Variants in KLF12 observed in about 807,000 individuals in gnomAD.
KLF12 encodes the protein KLF transcription factor 12.
In KLF12, 9 loss-of-function variants were observed where a neutral mutation model predicts 37.8. The observed-to-expected ratio is 0.24, with a 90% CI of 0.14 to 0.42. The LOEUF is 0.42. KLF12 is among the 10% of genes least tolerant of loss of function. The probability of loss-of-function intolerance (pLI) is 1.00; values close to 1 mark genes in which losing one functional copy is unlikely to be tolerated. For synonymous variants in KLF12, 208 were observed against 202.1 expected (o/e 1.03, Z -0.25); for missense variants, 411 against 516.0 (o/e 0.80, Z 1.97).
the KLF12 span, among the ~76,000 whole-genome samples, chr13:74,200,190 A>C: frequency 7.7e-5 from 3 of 39,070 alleles, no homozygotes; most frequent in African/African-American, 2.3e-4. Context: ...AAGCTTGCTC[A>C]GGGGGGGGGT....
chr13:73,955,277 C>T (rs1197249765), intron 2 of KLF12, among the ~76,000 whole-genome samples: 4 of 152,114 alleles, frequency 2.6e-5, no homozygotes, highest in Admixed American at 2.6e-4. Flanking sequence ...TTTTCTTTGA[C>T]TCTTTGCAGA....
At chr13:73,924,090 C>A (rs1487034657) in intron 3 of KLF12, among the ~76,000 whole-genome samples, 3 of 152,208 alleles carry the variant, frequency 2.0e-5, no homozygotes, top group Non-Finnish European at 4.4e-5. Flanking sequence ...AGAAAGCACT[C>A]TGAAGCATGC....
chr13:73,816,646 T>C (rs1382576047), intron 4 of KLF12, among the ~76,000 whole-genome samples: 2 of 152,256 alleles, frequency 1.3e-5, no homozygotes, highest in Non-Finnish European at 1.5e-5. Context: ...TCTGTATCCA[T>C]GCCCTGATGT....
the KLF12 span, among the ~76,000 whole-genome samples, chr13:74,158,165 C>T: frequency 3.9e-5 from 6 of 152,150 alleles, no homozygotes; most frequent in East Asian, 1.2e-3. Context: ...AGGGGAAGGC[C>T]CTGTGGGTGG....
At chr13:74,275,802 CTTTCCTTCTTTCT>C in the KLF12 span, among the ~76,000 whole-genome samples, 1,416 of 102,694 alleles carry the variant, frequency 0.014, 21 homozygotes, top group African/African-American at 0.029. Flanking sequence ...TTCTTTCTTT[CTTTCCTTCTTTCT>C]TTCTTTCTTT....
chr13:74,055,712 G>A (rs1433202514), intron 1 of KLF12, among the ~76,000 whole-genome samples: 1 of 152,124 alleles, frequency 6.6e-6, no homozygotes, highest in Non-Finnish European at 1.5e-5. Context: ...CTGGAAGGTA[G>A]GATAAGCAAC....
intron 5 of KLF12, chr13:73,801,684 A>G (rs1882285769): frequency 6.6e-6 from 1 of 152,130 alleles, no homozygotes; most frequent in African/African-American, 2.4e-5. Flanking sequence ...ATGAAAGCAA[A>G]TTAATTCTTG....
chr13:74,181,629 G>T, the KLF12 span, among the ~76,000 whole-genome samples: 1 of 150,850 alleles, frequency 6.6e-6, no homozygotes, highest in East Asian at 2.0e-4. Context: ...AACCCAGGAG[G>T]CAGAGGTTGC....
intron 1 of KLF12, among the ~76,000 whole-genome samples, chr13:74,002,104 C>T (rs1566499782): frequency 6.6e-6 from 1 of 152,112 alleles, no homozygotes; most frequent in Non-Finnish European, 1.5e-5. Context: ...TACAGGTTGC[C>T]GAGTGCCTTA....
intron 3 of KLF12, among the ~76,000 whole-genome samples, chr13:73,887,078 T>A (rs1423443534): frequency 6.6e-6 from 1 of 151,860 alleles, no homozygotes; most frequent in East Asian, 1.9e-4. Flanking sequence ...CTAATTCAGA[T>A]CTTGCACACT....
At chr13:74,037,265 C>T (rs1360374407) in intron 1 of KLF12, among the ~76,000 whole-genome samples, 2 of 146,106 alleles carry the variant, frequency 1.4e-5, no homozygotes, top group Non-Finnish European at 3.0e-5. Flanking sequence ...GAAAGAAAAA[C>T]ATACAAAAGC....
chr13:73,722,050 G>T (rs938619321), intron 6 of KLF12, among the ~76,000 whole-genome samples: 2 of 152,086 alleles, frequency 1.3e-5, no homozygotes, highest in Admixed American at 6.6e-5. Context: ...TTACCTTAAG[G>T]GAAGTGGGAG....
intron 5 of KLF12, among the ~76,000 whole-genome samples, chr13:73,779,442 T>C (rs1312111256): frequency 6.6e-6 from 1 of 152,106 alleles, no homozygotes; most frequent in Non-Finnish European, 1.5e-5. Flanking sequence ...AGCTGTCAGG[T>C]TGGTGAATAC....
chr13:73,733,977 T>C (rs1308273648), intron 6 of KLF12, among the ~76,000 whole-genome samples: 2 of 152,210 alleles, frequency 1.3e-5, no homozygotes. Context: ...TATAAGGCGC[T>C]CTAGGAACCC....
chr13:73,854,735 T>C lies in KLF12; in HGVS notation c.124-8362A>G, dbSNP rs531026661. ...CCTACACAAATCTCCCCATATACTT[T>C]AAATTATCTCCACATCACTTATAAC... On this transcript the variant is annotated intron_variant, in intron 3 of 7. Coordinates refer to ENST00000377669, the MANE Select transcript of KLF12 (RefSeq NM_007249.5). 1.1e-3 allele frequency among the ~76,000 whole-genome samples: 165 copies of C among 152,310 alleles called. 1 individual carries two copies. Among genetic ancestry groups the C allele is most frequent in the Non-Finnish European group, 1.8e-3 (125 of 68,020 alleles).
At chr13:73,909,215 CA>C (rs1341339460) in intron 3 of KLF12, among the ~76,000 whole-genome samples, 1 of 152,184 alleles carries the variant, frequency 6.6e-6, no homozygotes, top group African/African-American at 2.4e-5. Context: ...GTAAAATTTG[CA>C]AAGTCTTCAA....
the KLF12 span, among the ~76,000 whole-genome samples, chr13:74,298,567 A>G: frequency 1.3e-5 from 2 of 152,150 alleles, no homozygotes; most frequent in Non-Finnish European, 2.9e-5. Flanking sequence ...TCAGACCCAT[A>G]TGGGAGTTAG....
the KLF12 span, among the ~76,000 whole-genome samples, chr13:74,154,197 T>C: frequency 6.6e-6 from 1 of 151,796 alleles, no homozygotes; most frequent in South Asian, 2.1e-4. Flanking sequence ...ATCACACCAC[T>C]GTACTCCAGC....
the KLF12 span, among the ~76,000 whole-genome samples, chr13:74,222,316 T>C: frequency 6.6e-6 from 1 of 152,364 alleles, no homozygotes; most frequent in South Asian, 2.1e-4. Context: ...TATTTTCAGT[T>C]TGAAAAATAG....
Sources: allele counts gnomAD v4.1 joint callset (sites outside exome capture counted in the v4.1 genomes callset), GRCh38; gene constraint gnomAD v4.1.1; transcripts MANE v1.5; gene names NCBI Gene and HGNC (gene_info 2026-07-23, HGNC 2026-07-21).